TACC2: variants seen among roughly 807,000 people sequenced by gnomAD.
TACC2 encodes transforming acidic coiled-coil containing protein 2, also known as transforming acidic coiled-coil-containing protein 2.
Under a neutral mutation model 227.3 loss-of-function variants are expected in TACC2, and 137 were observed. That is an observed-to-expected ratio of 0.60 (90% confidence interval 0.52 to 0.69). The LOEUF (loss-of-function observed/expected upper bound fraction) is 0.69. Ranked by LOEUF, TACC2 falls within the 30% of genes least tolerant of loss-of-function variation. The pLI is 0.00. For synonymous variants in TACC2, 1,523 were observed against 1,487.5 expected (o/e 1.02, Z -0.55); for missense variants, 3,470 against 3,694.4 (o/e 0.94, Z 1.57).
intron 19 of TACC2, among the ~76,000 whole-genome samples, 191 bp downstream of exon 19, chr10:122,242,192 G>A (rs945754467): frequency 6.6e-6 from 1 of 152,112 alleles, no homozygotes; most frequent in Non-Finnish European, 1.5e-5. Flanking sequence ...ACACCCCCCT[G>A]AACTGTGCCA....
At chr10:122,175,186 G>A (rs2093644531) in intron 7 of TACC2, among the ~76,000 whole-genome samples, 1 of 152,122 alleles carries the variant, frequency 6.6e-6, no homozygotes, top group South Asian at 2.1e-4. Context: ...AACTCCAGAG[G>A]TCAAGCAATT....
Position 122,163,806 on chromosome 10 carries a change from C to T in TACC2, c.5834+20100C>T, listed in dbSNP as rs1053222623. ...GCCGCCACGGATGCCCGCAGCTGCT[C>T]CCCTCTGCAGTGCAGCAACCCCGGC... is the stretch of plus-strand genomic sequence containing the variant. On this transcript the variant is annotated intron_variant, in intron 7 of 22. Transcript: ENST00000369005. 1.1e-5 allele frequency: 14 copies of T among 1,313,912 alleles called. No homozygotes were observed. In the African/African-American group the frequency reaches 2.2e-4, roughly 20 times the overall value. The allele number at this position is 1,313,912 out of a possible 1,614,324, so 81.4% of individuals were successfully genotyped here. A position where few individuals can be genotyped will look rare whatever the true frequency, so the allele number is the denominator to read the frequency against.
intron 2 of TACC2, among the ~76,000 whole-genome samples, chr10:122,027,130 G>A (rs529547860): frequency 1.3e-5 from 2 of 152,278 alleles, no homozygotes; most frequent in African/African-American, 4.8e-5. Context: ...GGTGGTGTCA[G>A]TATTCTGGAT....
chr10:122,127,864 AGCCTAATATATAT>A (rs1257125170), intron 5 of TACC2, among the ~76,000 whole-genome samples: 1 of 152,228 alleles, frequency 6.6e-6, no homozygotes, highest in African/African-American at 2.4e-5. Context: ...CATATGGTTG[AGCCTAATATATAT>A]GCGTCTATAC....
chr10:122,124,838 A>C (rs552387741), intron 5 of TACC2, among the ~76,000 whole-genome samples: 39 of 152,284 alleles, frequency 2.6e-4, no homozygotes, highest in Admixed American at 9.1e-4. Context: ...TCCTCTCTCT[A>C]TATGAGTAAT....
intron 3 of TACC2, among the ~76,000 whole-genome samples, chr10:122,059,683 T>C (rs2136375278): frequency 6.6e-6 from 1 of 152,222 alleles, no homozygotes; most frequent in South Asian, 2.1e-4. Context: ...AAATACACTG[T>C]AGTTAAGGAG....
intron 10 of TACC2, 37 bp from the exon 11 acceptor site, chr10:122,216,590 C>G: frequency 6.3e-7 from 1 of 1,598,510 alleles, no homozygotes; most frequent in Non-Finnish European, 8.5e-7. Context: ...GACCAAGAGT[C>G]TGATGAGACA....
rs369668892 is a variant in TACC2 at position 122,216,621 on chromosome 10, T to C, written c.7345-6T>C. ...AGACAAGAAACAGTTTCTCTTCTCT[T>C]TGCAGGACCCCACCCCAGCTGCTAC... On this transcript the variant is annotated splice_polypyrimidine_tract_variant and splice_region_variant and intron_variant, in intron 10 of 22. Transcript: ENST00000369005. 8.1e-6 allele frequency: 13 copies of C among 1,612,954 alleles called. No individual in the cohort carries two copies. In the African/African-American group the frequency reaches 1.7e-4, roughly 22 times the overall value.
At position 122,084,882 on chromosome 10, in the gene TACC2, G is replaced by A. The variant is rs746247635; in HGVS notation, c.2382G>A (p.Thr794=). 1.9e-5 allele frequency: 31 copies of A among 1,613,920 alleles called. No homozygotes were observed. The highest frequency in any genetic ancestry group is 6.7e-5 in the Admixed American group (4 of 60,008). Residue 794 remains threonine (T), a synonymous_variant, in exon 4 of 23, where the codon ACG becomes ACA. Coordinates refer to ENST00000369005, the MANE Select transcript of TACC2 (RefSeq NM_206862.4). ...ACTTGGCAGCAGACCTGGGGCTCAC[G>A]GCACTCATCCTGGACCAAGATCAGC... ...GENLAADLGL[T]ALILDQDQQG...
At position 122,205,171 on chromosome 10, in the gene TACC2, G is replaced by A. The variant is rs527441736; in HGVS notation, c.5972-5226G>A. On this transcript the variant is annotated intron_variant, in intron 8 of 22. Transcript: ENST00000369005. The surrounding 1 kb of genome is among the most constrained non-coding windows in gnomAD (Gnocchi z 4.5). Reference sequence around the variant, plus strand: ...CGGCACTTTTCCCTCTTGGTTTCTGGGAATTGAACAGAAGTTTGAGAGCAG... The same window carrying A: ...CGGCACTTTTCCCTCTTGGTTTCTGAGAATTGAACAGAAGTTTGAGAGCAG... Among the ~76,000 whole-genome samples the A allele has an allele frequency of 6.6e-6, 1 of 152,298 alleles. No homozygotes were observed. Among genetic ancestry groups the A allele is most frequent in the South Asian group, 2.1e-4 (1 of 4,818 alleles).
rs762625092 is a variant in TACC2 at position 122,085,028 on chromosome 10, A to G, written c.2528A>G (p.Asp843Gly). ...SQAQPETSIF[D>G]VLKEQAQPPE... ...GCACAACCAGAGACATCCATCTTTG[A>G]CGTGCTCAAGGAGCAGGCCCAGCCA... The change falls in exon 4 of 23, where the codon GAC becomes GGC. Residue 843 changes from aspartate to glycine, a missense_variant. Physicochemically the swap from Asp to Gly is moderately conservative, Grantham distance 94. This residue lies in a region of TACC2 where 1,924 missense variants were observed against 1,978.3 expected (regional missense o/e 0.97). Coordinates refer to ENST00000369005, the MANE Select transcript of TACC2 (RefSeq NM_206862.4). 1.9e-6 allele frequency: 3 copies of G among 1,614,076 alleles called. No individual in the cohort carries two copies. The highest frequency in any genetic ancestry group is 2.7e-5 in the African/African-American group (2 of 74,928).
intron 18 of TACC2, among the ~76,000 whole-genome samples, chr10:122,238,374 A>G (rs2095903346): frequency 6.6e-6 from 1 of 152,254 alleles, no homozygotes; most frequent in South Asian, 2.1e-4. Context: ...TGTAACAATG[A>G]GTGTAAACAG....
chr10:122,162,459 G>A (rs2092876832), intron 7 of TACC2, among the ~76,000 whole-genome samples: 2 of 152,250 alleles, frequency 1.3e-5, no homozygotes, highest in African/African-American at 4.8e-5. Context: ...ATGTGGAAGA[G>A]TCTTCCACTT....
chr10:122,091,797 G>A lies in TACC2; in HGVS notation c.5573+3206G>A, dbSNP rs531578547. On this transcript the variant is annotated intron_variant, in intron 5 of 22. Coordinates refer to ENST00000369005, the MANE Select transcript of TACC2 (RefSeq NM_206862.4). ...GCCTTTGAAGGTGAAAATCAGCAGC[G>A]GTCTTGGGGAGGCTGGGTGACCAGA... Among the ~76,000 whole-genome samples the A allele has an allele frequency of 5.9e-5, 9 of 152,280 alleles. No individual in the cohort carries two copies. In the East Asian group the frequency reaches 9.6e-4, roughly 16 times the overall value.
At chr10:122,248,419 C>T (rs1355589504) in intron 19 of TACC2, 15 of 572,622 alleles carry the variant, frequency 2.6e-5, no homozygotes, top group Middle Eastern at 4.7e-4. Flanking sequence ...TTCTACCTCA[C>T]GCGAGGCTGC....
intron 7 of TACC2, among the ~76,000 whole-genome samples, chr10:122,179,316 A>T (rs2093875715): frequency 6.6e-6 from 1 of 152,214 alleles, no homozygotes; most frequent in African/African-American, 2.4e-5. Context: ...GCCTTGTCGT[A>T]TTTAAACCAC....
chr10:122,046,277 A>G (rs1320786750), intron 2 of TACC2, among the ~76,000 whole-genome samples: 1 of 151,554 alleles, frequency 6.6e-6, no homozygotes, highest in Non-Finnish European at 1.5e-5. Flanking sequence ...GATTGAGACC[A>G]TCCTGGCTAA....
intron 7 of TACC2, among the ~76,000 whole-genome samples, chr10:122,151,522 G>A (rs970859505): frequency 5.9e-5 from 9 of 152,126 alleles, no homozygotes; most frequent in African/African-American, 1.9e-4. Flanking sequence ...CAGCCAAGGT[G>A]GCCATGGTCC....
At position 122,194,887 on chromosome 10, in the gene TACC2, C is replaced by A. The variant is rs543328955; in HGVS notation, c.5835-153C>A. 6.6e-6 allele frequency among the ~76,000 whole-genome samples: 1 copy of A among 152,174 alleles called. No homozygotes were observed. The highest frequency in any genetic ancestry group is 2.4e-5 in the African/African-American group (1 of 41,434). ...TGATAAGATTCAACCTTAGGAATCA[C>A]GACTGAGAAAATGACTTTCCTCTCA... On this transcript the variant is annotated intron_variant, in intron 7 of 22. Transcript: ENST00000369005. This position sits in a 1 kb window ranked among gnomAD's most constrained non-coding sequence, Gnocchi z 4.4.
Sources: allele counts gnomAD v4.1 joint callset (sites outside exome capture counted in the v4.1 genomes callset), GRCh38; gene constraint gnomAD v4.1.1; regional missense constraint gnomAD v4.1.1; non-coding constraint Gnocchi (gnomAD v3.1); transcripts MANE v1.5; gene names NCBI Gene and HGNC (gene_info 2026-07-23, HGNC 2026-07-21).